TUBGCP2: variants seen among roughly 807,000 people sequenced by gnomAD.
TUBGCP2 encodes the protein tubulin gamma complex component 2.
TUBGCP2 carries 55 observed loss-of-function variants against 92.2 expected under a neutral mutation model. The ratio of observed to expected loss-of-function variants is 0.60; its 90% CI spans 0.48 to 0.75. The LOEUF (loss-of-function observed/expected upper bound fraction) is 0.75, where lower values mean the gene tolerates loss of function less well. TUBGCP2 is among the 30% of genes least tolerant of loss of function. The pLI is 0.00. For missense variants in TUBGCP2, 1,093 were observed against 1,188.9 expected (o/e 0.92, Z 1.19); for synonymous variants, 533 against 505.2 (o/e 1.06, Z -0.74).
Position 133,299,549 on chromosome 10 carries a change from C to G in TUBGCP2, c.334G>C (p.Ala112Pro). The G allele has an allele frequency of 6.2e-7, 1 of 1,613,784 alleles. No individual in the cohort carries two copies. The highest frequency in any genetic ancestry group is 8.5e-7 in the Non-Finnish European group (1 of 1,179,872). The change falls in exon 4 of 18, where the codon GCT (alanine) becomes CCT (proline). Residue 112 changes from alanine (A) to proline (P), a missense_variant. Ala to Pro is a conservative substitution (Grantham distance 27). Coordinates refer to ENST00000252936, the MANE Select transcript of TUBGCP2 (RefSeq NM_006659.4). ...AKERAELAAA[A>P]VGSSTTSINV... ...ATGCTGGTGGTACTGCTGCCCACAG[C>G]AGCGGCTGCAAGCTCAGCTCTTTCT...
chr10:133,311,577 A>G, upstream of TUBGCP2: 1 of 721,824 alleles, frequency 1.4e-6, no homozygotes, highest in Non-Finnish European at 2.3e-6. Flanking sequence ...ACCACACTAT[A>G]AAATCAGACT....
intron 17 of TUBGCP2, among the ~76,000 whole-genome samples, chr10:133,280,680 CA>C (rs1306945987): frequency 6.6e-6 from 1 of 152,238 alleles, no homozygotes; most frequent in Non-Finnish European, 1.5e-5. Context: ...CACCAGGACA[CA>C]GACCTGCCCC....
chr10:133,284,098 G>A (rs942319300), intron 13 of TUBGCP2, 96 bp from the exon 14 acceptor site: 10 of 1,538,270 alleles, frequency 6.5e-6, no homozygotes, highest in East Asian at 4.6e-5. Context: ...CATGGAGGAC[G>A]TTCTCTGGAC....
In TUBGCP2 at chr10:133,291,271, A is replaced by ATG. The variant is rs1564938841; in HGVS notation, c.1214+1226_1214+1227dup. ...TCCCCCATGTCCCTCCGTGTCCCCCATGTCCCTCCGTGTCCCTGTGTCCCG... is the reference window on the plus strand; with the variant it reads ...TCCCCCATGTCCCTCCGTGTCCCCCATGTGTCCCTCCGTGTCCCTGTGTCCCG... On this transcript the variant is annotated intron_variant, in intron 8 of 17. Transcript: ENST00000252936. Among the ~76,000 whole-genome samples, 7 of 34,748 alleles carry ATG rather than the reference A, an allele frequency of 2.0e-4. 1 individual carries two copies. The highest frequency in any genetic ancestry group is 3.2e-4 in the Non-Finnish European group (7 of 22,184). 22.8% of individuals were successfully genotyped at this position (34,748 alleles called of 152,430 possible).
chr10:133,291,327 ATG>A (rs1564938948), intron 8 of TUBGCP2, among the ~76,000 whole-genome samples: 20 of 34,658 alleles, frequency 5.8e-4, no homozygotes, highest in Admixed American at 1.3e-3. Flanking sequence ...AGAGGGCAGC[ATG>A]CACCGTCCGT....
Position 133,297,337 on chromosome 10 carries a change from G to A in TUBGCP2, c.616+615C>T, listed in dbSNP as rs749773604. ...CGCTTCAACCTGGGAGGTGGAGGTT[G>A]CAGTGTGCCGAGATCACGCCACTGC... On this transcript the variant is annotated intron_variant, in intron 5 of 17. Transcript: ENST00000252936. 18 of 406,588 alleles carry A rather than the reference G, an allele frequency of 4.4e-5. No homozygotes were observed. The East Asian group carries it at 1.2e-3, about 28-fold the overall frequency. 25.2% of individuals were successfully genotyped at this position (406,588 alleles called of 1,614,324 possible).
chr10:133,310,554 C>T (rs1022586821), upstream of TUBGCP2: 18 of 490,136 alleles, frequency 3.7e-5, no homozygotes, highest in South Asian at 8.3e-5. Context: ...AATGAGCGGG[C>T]GCAGCGCCTC....
In TUBGCP2 at chr10:133,278,716, G is replaced by A. The variant is rs1846883908; in HGVS notation, c.*1050C>T. ...GAAGCGGTTTGTGGCTGGAGAGTTG[G>A]ACACCCCCACCCCCACTCGGCGGTG... On this transcript the variant is annotated 3_prime_UTR_variant, in exon 18 of 18. Coordinates refer to ENST00000252936, the MANE Select transcript of TUBGCP2 (RefSeq NM_006659.4). 6.6e-6 allele frequency: 1 copy of A among 152,406 alleles called. No individual in the cohort carries two copies. Among genetic ancestry groups the A allele is most frequent in the Admixed American group, 6.5e-5 (1 of 15,284 alleles). 9.4% of individuals were successfully genotyped at this position (152,406 alleles called of 1,614,324 possible). A position where few individuals can be genotyped will look rare whatever the true frequency, so the allele number is the denominator to read the frequency against.
At chr10:133,311,739 GGGACAGT>G, upstream of TUBGCP2, 30 of 1,613,610 alleles carry the variant, frequency 1.9e-5, no homozygotes, top group Non-Finnish European at 2.5e-5. Flanking sequence ...GAAGCCCCAG[GGGACAGT>G]GGAGAGCGGT....
intron 5 of TUBGCP2, among the ~76,000 whole-genome samples, chr10:133,294,589 C>T (rs922099571): frequency 1.3e-5 from 2 of 149,260 alleles, no homozygotes; most frequent in African/African-American, 4.9e-5. Context: ...AATCCTGATG[C>T]AGATCCACAC....
chr10:133,309,426 G>A, upstream of TUBGCP2: 2 of 1,612,590 alleles, frequency 1.2e-6, no homozygotes, highest in Non-Finnish European at 1.7e-6. Flanking sequence ...CCTCCAGGAC[G>A]TGATCATGCA....
At chr10:133,286,567 G>A (rs1192225721) in intron 11 of TUBGCP2, among the ~76,000 whole-genome samples, 3 of 151,928 alleles carry the variant, frequency 2.0e-5, no homozygotes, top group African/African-American at 4.8e-5. Context: ...CACCGAGGGC[G>A]CGTCCTCCTC....
rs780058078 is a variant in TUBGCP2 at position 133,300,036 on chromosome 10, C to T, written c.228G>A (p.Arg76=). ...KYDELKSKNT[R]NLDPLVYLLS... ...ACAGGTACACCAGCGGGTCAAGGTT[C>T]CTTGTATTTTTAGATTTCAGTTCAT... is the stretch of plus-strand genomic sequence containing the variant. Residue 76 remains arginine, a synonymous_variant, in exon 3 of 18, where the codon AGG becomes AGA. Coordinates refer to ENST00000252936, the MANE Select transcript of TUBGCP2 (RefSeq NM_006659.4). The T allele has an allele frequency of 6.2e-7, 1 of 1,614,068 alleles. No homozygotes were observed. The highest frequency in any genetic ancestry group is 8.5e-7 in the Non-Finnish European group (1 of 1,180,008).
chr10:133,290,032 T>C, intron 8 of TUBGCP2, 63 bp from the exon 9 acceptor site: 2 of 1,592,346 alleles, frequency 1.3e-6, no homozygotes, highest in African/African-American at 2.7e-5. Flanking sequence ...AGGCGACACT[T>C]CTCCAGGCCG....
chr10:133,309,394 G>A (rs1267119101), upstream of TUBGCP2: 1 of 1,611,486 alleles, frequency 6.2e-7, no homozygotes. Flanking sequence ...CTGCAGGATG[G>A]GGACGTGCAG....
chr10:133,282,064 T>C (rs139287388), intron 16 of TUBGCP2, among the ~76,000 whole-genome samples, 159 bp downstream of exon 16: 1 of 152,248 alleles, frequency 6.6e-6, no homozygotes, highest in African/African-American at 2.4e-5. Context: ...TGAGAGGCTC[T>C]TGTGCTTGTG....
intron 5 of TUBGCP2, chr10:133,297,410 A>G: frequency 2.2e-6 from 1 of 452,482 alleles, no homozygotes; most frequent in South Asian, 1.6e-5. Flanking sequence ...AAGAACTAAA[A>G]ATAAATAAAA....
chr10:133,280,344 G>T (rs1846935853), intron 17 of TUBGCP2, among the ~76,000 whole-genome samples: 1 of 152,220 alleles, frequency 6.6e-6, no homozygotes, highest in African/African-American at 2.4e-5. Context: ...TCAATGCAGG[G>T]TGGCCTCAGA....
At position 133,279,556 on chromosome 10, in the gene TUBGCP2, T is replaced by G; in HGVS notation, c.*210A>C. ...GTGTAATTTCAAAAAGCAAACAGAT[T>G]AGCAAATCCAGGGAGACATCCACCC... On this transcript the variant is annotated 3_prime_UTR_variant, in exon 18 of 18. Coordinates refer to ENST00000252936, the MANE Select transcript of TUBGCP2 (RefSeq NM_006659.4). 1.4e-6 allele frequency: 1 copy of G among 696,448 alleles called. No individual in the cohort carries two copies. The highest frequency in any genetic ancestry group is 2.2e-6 in the Non-Finnish European group (1 of 456,418). The allele number at this position is 696,448 out of a possible 1,614,324, so 43.1% of individuals were successfully genotyped here. A position where few individuals can be genotyped will look rare whatever the true frequency, so the allele number is the denominator to read the frequency against.
Sources: gnomAD v4.1 joint callset for allele counts (sites outside exome capture counted in the v4.1 genomes callset) on GRCh38, gnomAD v4.1.1 for gene constraint, MANE v1.5 for transcripts, NCBI Gene and HGNC (gene_info 2026-07-23, HGNC 2026-07-21) for gene names.